SLC35D1: variants seen among roughly 807,000 people sequenced by gnomAD.
SLC35D1 encodes nucleotide sugar transporter SLC35D1.
SLC35D1 carries 31 observed loss-of-function variants against 46.7 expected under a neutral mutation model. The observed-to-expected ratio is 0.66, with a 90% CI of 0.50 to 0.90. The LOEUF (loss-of-function observed/expected upper bound fraction) is 0.90. SLC35D1 is among the 40% of genes least tolerant of loss of function. The pLI is 0.00. For missense variants in SLC35D1, 397 were observed against 426.2 expected (o/e 0.93, Z 0.60); for synonymous variants, 195 against 164.6 (o/e 1.18, Z -1.41).
At chr1:67,039,111 T>C (rs1262675017) in intron 8 of SLC35D1, among the ~76,000 whole-genome samples, 1 of 152,142 alleles carries the variant, frequency 6.6e-6, no homozygotes, top group Non-Finnish European at 1.5e-5. Flanking sequence ...AAAGGGAAGT[T>C]TTCCCTCTTC....
At chr1:66,986,051 CAG>C in the SLC35D1 span, 1 of 1,005,296 alleles carries the variant, frequency 9.9e-7, no homozygotes, top group Non-Finnish European at 1.2e-6. Flanking sequence ...ATTAAATAAA[CAG>C]AGGAGGGGGG....
the SLC35D1 span, chr1:66,984,934 T>C: frequency 1.3e-6 from 2 of 1,531,412 alleles, no homozygotes; most frequent in Non-Finnish European, 1.7e-6. Context: ...TTGGAGTAAA[T>C]TCTGGTGTGA....
At chr1:66,997,022 G>A (rs775076503), downstream of SLC35D1, among the ~76,000 whole-genome samples, 5 of 152,050 alleles carry the variant, frequency 3.3e-5, no homozygotes, top group African/African-American at 4.8e-5. Flanking sequence ...AATTTAAGAC[G>A]TAAAATTATA....
At chr1:67,037,939 T>C (rs1367479240) in intron 8 of SLC35D1, among the ~76,000 whole-genome samples, 1 of 152,194 alleles carries the variant, frequency 6.6e-6, no homozygotes, top group African/African-American at 2.4e-5. Context: ...GTGCCACCTA[T>C]ATAAAATAAA....
At chr1:66,994,460 A>T (rs1479152508), downstream of SLC35D1, among the ~76,000 whole-genome samples, 1 of 152,158 alleles carries the variant, frequency 6.6e-6, no homozygotes, top group Non-Finnish European at 1.5e-5. Context: ...CCTGGCCAAC[A>T]TGATGAAACC....
chr1:67,030,778 AT>A (rs1199771139), intron 8 of SLC35D1, among the ~76,000 whole-genome samples: 3 of 152,176 alleles, frequency 2.0e-5, no homozygotes, highest in African/African-American at 4.8e-5. Context: ...TTGAGGCACA[AT>A]GCTAAAGATG....
chr1:67,040,250 C>A lies in SLC35D1; in HGVS notation c.729+1986G>T, dbSNP rs186033271. On this transcript the variant is annotated intron_variant, in intron 8 of 11. Coordinates refer to ENST00000235345, the MANE Select transcript of SLC35D1 (RefSeq NM_015139.3). ...AGGCTCAAGCAATCTGCTCACAACT[C>A]CCCAAGGGCTAGGATTATAGGCGGG... Among the ~76,000 whole-genome samples, 7 of 152,214 alleles carry A rather than the reference C, an allele frequency of 4.6e-5. No homozygotes were observed. In the East Asian group the frequency reaches 1.4e-3, roughly 29 times the overall value.
intron 3 of SLC35D1, 71 bp downstream of exon 3, chr1:67,052,700 G>A: frequency 7.3e-6 from 11 of 1,500,854 alleles, no homozygotes; most frequent in Non-Finnish European, 1.0e-5. Flanking sequence ...AAATACGCAA[G>A]GCACTGATAA....
the SLC35D1 span, chr1:66,987,308 T>G: frequency 4.6e-5 from 7 of 152,712 alleles, no homozygotes; most frequent in African/African-American, 1.7e-4. Flanking sequence ...TGCTTAAGAT[T>G]TAGTACATTT....
Position 67,004,427 on chromosome 1 carries a change from A to G in SLC35D1, c.981T>C (p.Tyr327=). 6.2e-7 allele frequency: 1 copy of G among 1,614,014 alleles called. No homozygotes were observed. Among genetic ancestry groups the G allele is most frequent in the Non-Finnish European group, 8.5e-7 (1 of 1,179,924 alleles). ...GCTCTTCAGTGAAAGTGATATAGGA[A>G]TATACCAGGCTCCCAGCAATGCTGC... ...LNISIAGSLV[Y]SYITFTEEQL... Residue 327 remains tyrosine (Y), a synonymous_variant, in exon 12 of 12, where the codon TAT becomes TAC. Transcript: ENST00000235345.
At chr1:67,022,719 ATTAATT>A (rs1393198942) in intron 8 of SLC35D1, among the ~76,000 whole-genome samples, 3 of 152,314 alleles carry the variant, frequency 2.0e-5, no homozygotes, top group East Asian at 1.9e-4. Context: ...TGAAAAATAA[ATTAATT>A]TTAAGTGTTC....
the SLC35D1 span, chr1:66,986,423 C>G: frequency 9.3e-6 from 15 of 1,613,116 alleles, no homozygotes; most frequent in Non-Finnish European, 1.3e-5. Flanking sequence ...AATGCTTCTT[C>G]CAGTTCATTT....
chr1:67,000,398 A>G lies in SLC35D1; in HGVS notation c.*3942T>C, dbSNP rs1338372308. 2.6e-5 allele frequency: 4 copies of G among 152,174 alleles called. No homozygotes were observed. The East Asian group carries it at 7.5e-4, about 29-fold the overall frequency. 9.4% of individuals were successfully genotyped at this position (152,174 alleles called of 1,614,324 possible). ...AAAGAAATTTTGTTCTTTTTAAAAAATAGGTAGAATCACCTGCATCATGTA... is the reference window on the plus strand; with the variant it reads ...AAAGAAATTTTGTTCTTTTTAAAAAGTAGGTAGAATCACCTGCATCATGTA... On this transcript the variant is annotated 3_prime_UTR_variant, in exon 12 of 12. Coordinates refer to ENST00000235345, the MANE Select transcript of SLC35D1 (RefSeq NM_015139.3).
intron 8 of SLC35D1, among the ~76,000 whole-genome samples, chr1:67,024,841 T>A (rs568943544): frequency 6.6e-6 from 1 of 152,224 alleles, no homozygotes; most frequent in Non-Finnish European, 1.5e-5. Context: ...ACTCCGAAAC[T>A]TAAATAATCC....
the SLC35D1 span, chr1:66,981,684 G>A: frequency 5.6e-6 from 5 of 894,896 alleles, no homozygotes; most frequent in African/African-American, 8.4e-5. Context: ...GTGAATATTA[G>A]GATATATTTG....
chr1:67,027,043 A>G lies in SLC35D1; in HGVS notation c.730-5441T>C, dbSNP rs1188753533. On this transcript the variant is annotated intron_variant, in intron 8 of 11. Transcript: ENST00000235345. ...CAAGATGAGATTTGGGTGGGGACAC[A>G]GCAAAACCATATCAATTACTTAACA... Among the ~76,000 whole-genome samples the G allele has an allele frequency of 2.0e-5, 3 of 152,350 alleles. No individual in the cohort carries two copies. The East Asian group carries it at 5.8e-4, about 29-fold the overall frequency.
At chr1:67,032,542 G>C (rs775274136) in intron 8 of SLC35D1, among the ~76,000 whole-genome samples, 9 of 151,954 alleles carry the variant, frequency 5.9e-5, no homozygotes, top group African/African-American at 1.2e-4. Flanking sequence ...TTAGCTGGGC[G>C]TGGTGGCGTG....
the SLC35D1 span, among the ~76,000 whole-genome samples, chr1:66,977,367 C>T: frequency 5.3e-5 from 8 of 152,056 alleles, no homozygotes; most frequent in African/African-American, 1.9e-4. Context: ...GCCTCAGCCT[C>T]CTAAAGTGCT....
In SLC35D1 at chr1:67,052,819, C is replaced by T; in HGVS notation, c.276G>A (p.Ala92=). Residue 92 remains alanine (A), a synonymous_variant, in exon 3 of 12, where the codon GCG becomes GCA. Coordinates refer to ENST00000235345, the MANE Select transcript of SLC35D1 (RefSeq NM_015139.3). ...GGTCAGGAAACTTGACTACTCTGAG[C>T]GCCTTTCCCACCCAGAGAACTGCCA... The part of the protein sequence containing the change: ...ATVAVLWVGK[A]LRVVKFPDLD... 1 of 1,614,166 alleles carries T rather than the reference C, an allele frequency of 6.2e-7. No individual in the cohort carries two copies. Among genetic ancestry groups the T allele is most frequent in the Non-Finnish European group, 8.5e-7 (1 of 1,180,030 alleles).
Sources: allele counts gnomAD v4.1 joint callset (sites outside exome capture counted in the v4.1 genomes callset), GRCh38; gene constraint gnomAD v4.1.1; transcripts MANE v1.5; gene names NCBI Gene and HGNC (gene_info 2026-07-23, HGNC 2026-07-21).